Variants in CDYL observed in about 807,000 individuals in gnomAD.
CDYL encodes the protein chromodomain Y like.
CDYL carries 8 observed loss-of-function variants against 47.3 expected under a neutral mutation model. The observed-to-expected ratio is 0.17, with a 90% CI of 0.10 to 0.31. The LOEUF (loss-of-function observed/expected upper bound fraction) is 0.31. CDYL is among the 10% of genes least tolerant of loss of function. The pLI is 1.00. For synonymous variants in CDYL, 266 were observed against 265.0 expected (o/e 1.00, Z -0.04); for missense variants, 471 against 701.4 (o/e 0.67, Z 3.71).
intron 2 of CDYL, among the ~76,000 whole-genome samples, chr6:4,893,565 C>G (rs1277460384): frequency 1.3e-5 from 2 of 152,170 alleles, no homozygotes; most frequent in Non-Finnish European, 2.9e-5. Flanking sequence ...CGGTGGCGCG[C>G]ACCTGTAATC....
At chr6:4,723,443 A>C (rs1462474965) in intron 2 of CDYL, among the ~76,000 whole-genome samples, 2 of 152,120 alleles carry the variant, frequency 1.3e-5, no homozygotes, top group South Asian at 2.1e-4. Context: ...CGACAGTGTC[A>C]CAAAGAGGCT....
At chr6:4,924,480 AC>A (rs1422601191) in intron 2 of CDYL, among the ~76,000 whole-genome samples, 1 of 152,200 alleles carries the variant, frequency 6.6e-6, no homozygotes, top group African/African-American at 2.4e-5. Context: ...AATGCCTTTT[AC>A]ACCTCCTCTG....
intron 3 of CDYL, among the ~76,000 whole-genome samples, chr6:4,735,311 G>T (rs541466548): frequency 9.0e-4 from 136 of 151,826 alleles, no homozygotes; most frequent in African/African-American, 3.2e-3. Flanking sequence ...AAAAAAAAAG[G>T]ACGTTTTTAA....
At chr6:4,803,568 G>A (rs1455056853) in intron 1 of CDYL, among the ~76,000 whole-genome samples, 1 of 152,050 alleles carries the variant, frequency 6.6e-6, no homozygotes, top group Non-Finnish European at 1.5e-5. Context: ...TGTGGGCTCT[G>A]TTCCCTGGTT....
intron 1 of CDYL, among the ~76,000 whole-genome samples, chr6:4,780,967 G>T (rs1758603129): frequency 6.6e-6 from 1 of 151,596 alleles, no homozygotes; most frequent in African/African-American, 2.4e-5. Flanking sequence ...TTATTTGTAT[G>T]TCTTAATAAT....
rs1276742742 is a variant in CDYL at position 4,953,810 on chromosome 6, G to T, written c.1477-88G>T. The T allele has an allele frequency of 7.9e-6, 10 of 1,266,172 alleles. No homozygotes were observed. In the Admixed American group the frequency reaches 2.2e-4, roughly 28 times the overall value. The allele number at this position is 1,266,172 out of a possible 1,614,324, so 78.4% of individuals were successfully genotyped here. Reference sequence around the variant, plus strand: ...TTTTAACAGGTGATTGCTGGAATTTGATGATTGCCTCCGTAAATGTGGAGG... The same window carrying T: ...TTTTAACAGGTGATTGCTGGAATTTTATGATTGCCTCCGTAAATGTGGAGG... On this transcript the variant is annotated intron_variant, in intron 6 of 6. Transcript: ENST00000397588.
chr6:4,952,167 A>G, intron 5 of CDYL, 99 bp from the exon 6 acceptor site: 13 of 1,391,276 alleles, frequency 9.3e-6, no homozygotes, highest in African/African-American at 1.4e-5. Context: ...CGGGGCTGGT[A>G]TTTGTGAATG....
At chr6:4,872,577 A>G (rs1561680652) in intron 1 of CDYL, among the ~76,000 whole-genome samples, 1 of 152,004 alleles carries the variant, frequency 6.6e-6, no homozygotes, top group Non-Finnish European at 1.5e-5. Flanking sequence ...ACAGGGTTGC[A>G]CCATGTTGGT....
chr6:4,919,863 A>G (rs1293156660), intron 2 of CDYL, among the ~76,000 whole-genome samples: 5 of 152,220 alleles, frequency 3.3e-5, no homozygotes, highest in African/African-American at 9.6e-5. Flanking sequence ...TTCTAGGTAT[A>G]TACCCAAAGA....
chr6:4,950,803 G>C (rs192885193), intron 5 of CDYL, among the ~76,000 whole-genome samples: 2,846 of 152,152 alleles, frequency 0.019, 34 homozygotes, highest in South Asian at 0.032. Flanking sequence ...GTGGTGGCGG[G>C]CGCCTGTAGT....
intron 2 of CDYL, among the ~76,000 whole-genome samples, chr6:4,719,234 G>A (rs9405765): frequency 0.13 from 19,520 of 152,132 alleles, 1,527 homozygotes; most frequent in African/African-American, 0.23. Context: ...CTTTTAAATT[G>A]CTTTTAGATA....
At chr6:4,758,351 A>ATATATATATATATATATATATATATAT (rs1758108099) in intron 3 of CDYL, among the ~76,000 whole-genome samples, 45 of 129,040 alleles carry the variant, frequency 3.5e-4, no homozygotes, top group African/African-American at 1.3e-3. Context: ...AAAATAAATA[A>ATATATATATATATATATATATATATAT]ATATATATAT....
At chr6:4,869,398 G>C (rs2127472384) in intron 1 of CDYL, among the ~76,000 whole-genome samples, 1 of 152,132 alleles carries the variant, frequency 6.6e-6, no homozygotes, top group Non-Finnish European at 1.5e-5. Context: ...GCCTGGCCTT[G>C]ATCTAGTAAT....
At chr6:4,932,701 C>G (rs1357864533) in intron 2 of CDYL, among the ~76,000 whole-genome samples, 2 of 152,234 alleles carry the variant, frequency 1.3e-5, no homozygotes, top group Non-Finnish European at 2.9e-5. Context: ...GTCTCCACGT[C>G]TGTCTCCTGT....
In CDYL at chr6:4,794,827, C is replaced by T. The variant is rs183899330; in HGVS notation, c.24+18020C>T. On this transcript the variant is annotated intron_variant, in intron 1 of 6. Coordinates refer to ENST00000397588, the MANE Select transcript of CDYL (RefSeq NM_004824.4). ...TGATGGAAAAGCAGTTGGTTAATGCCAGTACATAGAAAGGCTGTTTATGTA... is the reference window on the plus strand; with the variant it reads ...TGATGGAAAAGCAGTTGGTTAATGCTAGTACATAGAAAGGCTGTTTATGTA... Among the ~76,000 whole-genome samples, 276 of 152,162 alleles carry T rather than the reference C, an allele frequency of 1.8e-3. 1 individual carries two copies. The highest frequency in any genetic ancestry group is 6.5e-3 in the African/African-American group (270 of 41,510).
chr6:4,895,459 GTATACATATATACGTATATATGTATA>G lies in CDYL; in HGVS notation c.691+3088_691+3113del, dbSNP rs1762245028. Among the ~76,000 whole-genome samples the G allele has an allele frequency of 6.6e-4, 3 of 4,554 alleles. 1 individual carries two copies. The highest frequency in any genetic ancestry group is 6.8e-4 in the African/African-American group (3 of 4,380). The allele number at this position is 4,554 out of a possible 152,430, so 3.0% of individuals were successfully genotyped here. Reference sequence around the variant, plus strand: ...TATACGTATATATGCATATATACATGTATACATATATACGTATATATGTATATATACATGTATACATATATACGTAT... The same window carrying G: ...TATACGTATATATGCATATATACATGTATACATGTATACATATATACGTAT... On this transcript the variant is annotated intron_variant, in intron 2 of 6. Coordinates refer to ENST00000397588, the MANE Select transcript of CDYL (RefSeq NM_004824.4).
intron 4 of CDYL, among the ~76,000 whole-genome samples, chr6:4,939,566 A>G (rs575509661): frequency 2.2e-4 from 33 of 152,232 alleles, no homozygotes; most frequent in African/African-American, 7.7e-4. Context: ...GGTTTTTTTC[A>G]GAAGTGGTTT....
intron 1 of CDYL, among the ~76,000 whole-genome samples, chr6:4,801,659 A>G (rs1759229245): frequency 6.6e-6 from 1 of 151,932 alleles, no homozygotes; most frequent in Non-Finnish European, 1.5e-5. Flanking sequence ...GCAAAATTTG[A>G]AAGTTGGCTA....
At position 4,913,356 on chromosome 6, in the gene CDYL, C is replaced by G. The variant is rs556374506; in HGVS notation, c.691+20977C>G. On this transcript the variant is annotated intron_variant, in intron 2 of 6. Coordinates refer to ENST00000397588, the MANE Select transcript of CDYL (RefSeq NM_004824.4). ...CTAATCTGAGCTTCTCTCCTCTCCA[C>G]AGCATGAGGCCCTGATACATTTAGG... is the stretch of plus-strand genomic sequence containing the variant. Among the ~76,000 whole-genome samples, 4 of 152,328 alleles carry G rather than the reference C, an allele frequency of 2.6e-5. No individual in the cohort carries two copies. In the South Asian group the frequency reaches 8.3e-4, roughly 32 times the overall value.
Sources: allele counts gnomAD v4.1 joint callset (sites outside exome capture counted in the v4.1 genomes callset), GRCh38; gene constraint gnomAD v4.1.1; transcripts MANE v1.5; gene names NCBI Gene and HGNC (gene_info 2026-07-23, HGNC 2026-07-21).